BICD1: variants seen among roughly 807,000 people sequenced by gnomAD.
The protein encoded by BICD1 is protein bicaudal D homolog 1.
In BICD1, 35 loss-of-function variants were observed where a neutral mutation model predicts 92.5. The ratio of observed to expected loss-of-function variants is 0.38; its 90% confidence interval spans 0.29 to 0.50. The LOEUF (loss-of-function observed/expected upper bound fraction) is 0.50. Among genes scored for constraint, BICD1 ranks in the 20% least tolerant of loss-of-function variants. The pLI is 0.93. For missense variants in BICD1, 950 were observed against 1,189.8 expected (o/e 0.80, Z 2.97); for synonymous variants, 429 against 465.1 (o/e 0.92, Z 1.00).
At chr12:32,350,409 G>A (rs545020993) in intron 8 of BICD1, among the ~76,000 whole-genome samples, 2 of 152,264 alleles carry the variant, frequency 1.3e-5, no homozygotes, top group East Asian at 1.9e-4. Context: ...CCCAGGAGGT[G>A]GGGGCTGCAG....
chr12:32,197,836 T>A (rs1159710943), intron 1 of BICD1, among the ~76,000 whole-genome samples: 3 of 152,150 alleles, frequency 2.0e-5, no homozygotes, highest in Non-Finnish European at 4.4e-5. Context: ...TGAACTTTGC[T>A]AACCTTCACC....
chr12:32,200,348 C>G (rs1316028242), intron 1 of BICD1, among the ~76,000 whole-genome samples: 1 of 152,148 alleles, frequency 6.6e-6, no homozygotes, highest in Non-Finnish European at 1.5e-5. Context: ...CATAGCCGAC[C>G]AGGACAGAGA....
At chr12:32,253,516 A>G (rs1207288939) in intron 2 of BICD1, among the ~76,000 whole-genome samples, 1 of 152,124 alleles carries the variant, frequency 6.6e-6, no homozygotes, top group Non-Finnish European at 1.5e-5. Flanking sequence ...TTATAGTAAA[A>G]GTGATCAGAC....
chr12:32,360,082 G>A (rs1416463600), intron 8 of BICD1, among the ~76,000 whole-genome samples: 1 of 152,060 alleles, frequency 6.6e-6, no homozygotes, highest in African/African-American at 2.4e-5. Flanking sequence ...CTACTCGGGA[G>A]GCTGAGGCAG....
At position 32,306,159 on chromosome 12, in the gene BICD1, T is replaced by A. The variant is rs201836992; in HGVS notation, c.1005+37T>A. ...GTTTAGGGCCGCTAGAGTGAATTTC[T>A]TGTAGATTGCAGGTAGCATGTTGTG... On this transcript the variant is annotated intron_variant, in intron 4 of 9. Coordinates refer to ENST00000652176, the MANE Select transcript of BICD1 (RefSeq NM_001714.4). 41 of 1,515,182 alleles carry A rather than the reference T, an allele frequency of 2.7e-5. No homozygotes were observed. The African/African-American group carries it at 4.6e-4, about 17-fold the overall frequency. The allele number at this position is 1,515,182 out of a possible 1,614,324, so 93.9% of individuals were successfully genotyped here. A position where few individuals can be genotyped will look rare whatever the true frequency, so the allele number is the denominator to read the frequency against.
At chr12:32,317,206 C>A (rs2136237633) in intron 4 of BICD1, among the ~76,000 whole-genome samples, 1 of 152,238 alleles carries the variant, frequency 6.6e-6, no homozygotes, top group Non-Finnish European at 1.5e-5. Flanking sequence ...ATTTATAATC[C>A]TTTGGGTATA....
intron 8 of BICD1, among the ~76,000 whole-genome samples, chr12:32,346,555 T>C (rs1334280542): frequency 3.9e-4 from 11 of 28,544 alleles, no homozygotes; most frequent in East Asian, 3.8e-3. Context: ...TATATATATA[T>C]ATATATATAT....
intron 3 of BICD1, among the ~76,000 whole-genome samples, chr12:32,296,268 T>G (rs1947869503): frequency 6.8e-6 from 1 of 146,836 alleles, no homozygotes; most frequent in African/African-American, 2.5e-5. Flanking sequence ...TTTTTTTTTT[T>G]TTTTTTGAGA....
intron 2 of BICD1, among the ~76,000 whole-genome samples, chr12:32,225,621 G>GTTTTTGTTTTTTTTTTTT (rs1411722126): frequency 0.011 from 1,005 of 92,640 alleles, 55 homozygotes; most frequent in East Asian, 0.021. Flanking sequence ...CTTTTTTTCT[G>GTTTTTGTTTTTTTTTTTT]TTTTTTTTTT....
At chr12:32,184,763 C>T (rs1489011739) in intron 1 of BICD1, among the ~76,000 whole-genome samples, 1 of 152,156 alleles carries the variant, frequency 6.6e-6, no homozygotes, top group Admixed American at 6.5e-5. Flanking sequence ...CTTTCTTGAT[C>T]TTCCTTCAAA....
intron 1 of BICD1, among the ~76,000 whole-genome samples, chr12:32,124,650 T>TGA (rs1942265708): frequency 6.6e-6 from 1 of 152,208 alleles, no homozygotes; most frequent in Non-Finnish European, 1.5e-5. Context: ...AGTAATCTCC[T>TGA]GATCAGGCAA....
chr12:32,148,084 GTGAGCCGTGAT>G (rs1331230581), intron 1 of BICD1, among the ~76,000 whole-genome samples: 1 of 133,856 alleles, frequency 7.5e-6, no homozygotes, highest in Non-Finnish European at 1.5e-5. Context: ...TGAGGCTACA[GTGAGCCGTGAT>G]GACACCATCA....
Position 32,107,538 on chromosome 12 carries a change from C to CA in BICD1, c.210dup (p.Glu71ArgfsTer15). The stretch of plus-strand genomic sequence containing the variant: ...GCCTCAAACAGGAGCTGGAGCAGCT[C>CA]AAAGAGGTGAGTTGCCTGTCACCTC... On this transcript the variant is annotated frameshift_variant, in exon 1 of 10. Coordinates refer to ENST00000652176, the MANE Select transcript of BICD1 (RefSeq NM_001714.4). LOFTEE classifies it high-confidence loss of function. The CA allele has an allele frequency of 6.3e-7, 1 of 1,583,524 alleles. No individual in the cohort carries two copies. The highest frequency in any genetic ancestry group is 8.6e-7 in the Non-Finnish European group (1 of 1,165,272).
At chr12:32,230,835 T>C (rs887365706) in intron 2 of BICD1, among the ~76,000 whole-genome samples, 2 of 147,470 alleles carry the variant, frequency 1.4e-5, no homozygotes, top group African/African-American at 4.9e-5. Flanking sequence ...GAGAGTCAGG[T>C]TTCTGTTAAA....
chr12:32,206,433 T>C (rs1945057474), intron 1 of BICD1, among the ~76,000 whole-genome samples: 1 of 152,060 alleles, frequency 6.6e-6, no homozygotes, highest in Admixed American at 6.5e-5. Flanking sequence ...AGGTGAAACC[T>C]CATATCCACT....
At chr12:32,277,359 A>G (rs1244469977) in intron 2 of BICD1, among the ~76,000 whole-genome samples, 1 of 152,154 alleles carries the variant, frequency 6.6e-6, no homozygotes, top group Non-Finnish European at 1.5e-5. Flanking sequence ...ATGCCACTGC[A>G]CTCCAGCCTG....
At chr12:32,376,110 A>T (rs1054663334) in intron 9 of BICD1, among the ~76,000 whole-genome samples, 1 of 137,848 alleles carries the variant, frequency 7.3e-6, no homozygotes, top group Non-Finnish European at 1.5e-5. Context: ...TTTGAGACGG[A>T]GTCTCGCCCT....
At chr12:32,317,706 T>A (rs1184868206) in intron 4 of BICD1, among the ~76,000 whole-genome samples, 1 of 152,182 alleles carries the variant, frequency 6.6e-6, no homozygotes, top group Non-Finnish European at 1.5e-5. Flanking sequence ...GCAGAAGCGC[T>A]TTAGTTTAAT....
chr12:32,367,781 C>T, intron 9 of BICD1, 36 bp downstream of exon 9: 4 of 1,571,588 alleles, frequency 2.5e-6, no homozygotes, highest in Non-Finnish European at 3.5e-6. Context: ...CACCCAGCTG[C>T]ATGTCAGATC....
Sources: gnomAD v4.1 joint callset for allele counts (sites outside exome capture counted in the v4.1 genomes callset) on GRCh38, gnomAD v4.1.1 for gene constraint, MANE v1.5 for transcripts, NCBI Gene and HGNC (gene_info 2026-07-23, HGNC 2026-07-21) for gene names.